Variants in DACH2 observed in about 807,000 individuals in gnomAD.
The protein encoded by DACH2 is dachshund family transcription factor 2, also known as dachshund homolog 2.
A neutral mutation model predicts 35.8 loss-of-function variants in DACH2; 17 were observed. The observed-to-expected ratio is 0.48, with a 90% CI of 0.33 to 0.71. The LOEUF is 0.71. Among genes scored for constraint, DACH2 ranks in the 30% least tolerant of loss-of-function variants. DACH2 has a pLI of 0.02. For missense variants in DACH2, 469 were observed against 472.7 expected, an observed-to-expected ratio of 0.99 and a Z score of 0.07; for synonymous variants, 195 against 177.3, an observed-to-expected ratio of 1.10 and a Z score of -0.79.
intron 1 of DACH2, among the ~76,000 whole-genome samples, chrX:86,200,490 G>A (rs1180111445): frequency 9.1e-6 from 1 of 110,256 alleles, no homozygotes; most frequent in Non-Finnish European, 1.9e-5. Context: ...AGTAAACAGA[G>A]AACATACAGA....
chrX:86,442,346 A>C (rs1488323956), intron 2 of DACH2, among the ~76,000 whole-genome samples: 1 of 66,015 alleles, frequency 1.5e-5, no homozygotes, highest in Non-Finnish European at 2.8e-5. Context: ...CTCATTTTTA[A>C]GTAGTATTTT....
At chrX:86,699,130 A>G (rs1259942563) in intron 5 of DACH2, among the ~76,000 whole-genome samples, 2 of 112,021 alleles carry the variant, frequency 1.8e-5, no homozygotes, top group Non-Finnish European at 3.8e-5. Flanking sequence ...AGCGTCTTCA[A>G]CACTCCAATG....
At chrX:86,729,286 TC>T (rs1225761842) in intron 6 of DACH2, among the ~76,000 whole-genome samples, 2 of 112,248 alleles carry the variant, frequency 1.8e-5, no homozygotes, top group African/African-American at 6.5e-5. Flanking sequence ...GTGGGACCTT[TC>T]TTTTGGCTGA....
chrX:86,402,811 G>T (rs1435256541), intron 2 of DACH2, among the ~76,000 whole-genome samples: 1 of 111,934 alleles, frequency 8.9e-6, no homozygotes, highest in East Asian at 2.8e-4. Flanking sequence ...ACCAAAAAAA[G>T]CAATGTATTG....
At chrX:86,530,609 T>C (rs760559982) in intron 3 of DACH2, among the ~76,000 whole-genome samples, 1 of 112,244 alleles carries the variant, frequency 8.9e-6, no homozygotes, top group East Asian at 2.8e-4. Flanking sequence ...TGTGAGTCAA[T>C]TAAACCTCTT....
chrX:86,426,924 G>A (rs890355637), intron 2 of DACH2, among the ~76,000 whole-genome samples: 7 of 112,268 alleles, frequency 6.2e-5, no homozygotes, highest in African/African-American at 1.9e-4. Flanking sequence ...AGAAAAGCTG[G>A]TGTATTTGCT....
At chrX:86,279,265 G>C (rs1195790708) in intron 1 of DACH2, among the ~76,000 whole-genome samples, 2 of 111,945 alleles carry the variant, frequency 1.8e-5, no homozygotes, top group East Asian at 5.7e-4. Flanking sequence ...CCTCCCAGCA[G>C]GGGGCACAGA....
chrX:86,579,963 A>G (rs892292697), intron 3 of DACH2, among the ~76,000 whole-genome samples: 1 of 111,691 alleles, frequency 9.0e-6, no homozygotes, highest in Non-Finnish European at 1.9e-5. Context: ...GTGCTTTGGC[A>G]TGCACCACCC....
chrX:86,544,896 G>T (rs749918247), intron 3 of DACH2, among the ~76,000 whole-genome samples: 3 of 112,201 alleles, frequency 2.7e-5, no homozygotes, highest in African/African-American at 9.7e-5. Flanking sequence ...TCCACCCCCT[G>T]GGTTCAAGCA....
At chrX:86,401,862 G>T (rs1003549596) in intron 2 of DACH2, among the ~76,000 whole-genome samples, 1 of 111,622 alleles carries the variant, frequency 9.0e-6, no homozygotes, top group Non-Finnish European at 1.9e-5. Flanking sequence ...TTATTCCCAG[G>T]ATGCAATGTT....
At chrX:86,651,011 T>C in intron 3 of DACH2, 25 bp from the exon 4 acceptor site, 1 of 1,139,301 alleles carries the variant, frequency 8.8e-7, no homozygotes, top group Non-Finnish European at 1.2e-6. Context: ...AATAAATAAA[T>C]GGAATGGAAT....
At chrX:86,566,697 T>C (rs1471255196) in intron 3 of DACH2, among the ~76,000 whole-genome samples, 1 of 107,527 alleles carries the variant, frequency 9.3e-6, no homozygotes, top group Non-Finnish European at 2.0e-5. Flanking sequence ...AAAAGCAAAC[T>C]GTTCTGTACA....
chrX:86,659,989 T>G lies in DACH2; in HGVS notation c.772+8822T>G, dbSNP rs181053825. On this transcript the variant is annotated intron_variant, in intron 4 of 11. Coordinates refer to ENST00000373125, the MANE Select transcript of DACH2 (RefSeq NM_053281.3). ...AGGTTCTGAACCCTTCCTTAGAAAT[T>G]TGAGGTTAGTGTCATGGGATCAAAA... Among the ~76,000 whole-genome samples the G allele has an allele frequency of 1.4e-4, 16 of 111,214 alleles. No individual in the cohort carries two copies. In the East Asian group the frequency reaches 4.0e-3, roughly 28 times the overall value.
At chrX:86,278,757 C>T (rs1044761607) in intron 1 of DACH2, among the ~76,000 whole-genome samples, 1 of 111,691 alleles carries the variant, frequency 9.0e-6, no homozygotes, top group Non-Finnish European at 1.9e-5. Flanking sequence ...CAGTGGATCC[C>T]ACCCCCATGG....
At chrX:86,716,347 G>A (rs1342775406) in intron 6 of DACH2, among the ~76,000 whole-genome samples, 1 of 111,515 alleles carries the variant, frequency 9.0e-6, no homozygotes, top group Non-Finnish European at 1.9e-5. Context: ...TTTTGAAACT[G>A]GATGGCTATT....
chrX:86,542,959 G>A (rs1290301645), intron 3 of DACH2, among the ~76,000 whole-genome samples: 3 of 112,239 alleles, frequency 2.7e-5, no homozygotes, highest in South Asian at 3.7e-4. Context: ...ATGTTCACCC[G>A]ACCTAGTCTG....
intron 1 of DACH2, chrX:86,160,710 G>A (rs2030723475): frequency 2.1e-6 from 1 of 470,240 alleles, no homozygotes; most frequent in Admixed American, 3.3e-5. Flanking sequence ...TTGTTCCCAG[G>A]AATAAAGCTT....
chrX:86,770,401 C>T (rs2041977439), intron 7 of DACH2, among the ~76,000 whole-genome samples: 1 of 111,690 alleles, frequency 9.0e-6, no homozygotes, highest in Non-Finnish European at 1.9e-5. Context: ...AGGTAGTTGT[C>T]AGCAATTTAT....
chrX:86,582,179 C>A (rs2039510069), intron 3 of DACH2, among the ~76,000 whole-genome samples: 1 of 110,784 alleles, frequency 9.0e-6, no homozygotes, highest in African/African-American at 3.3e-5. Context: ...ATAAAACAAA[C>A]TAGAATCTCT....
Sources: allele counts gnomAD v4.1 joint callset (sites outside exome capture counted in the v4.1 genomes callset), GRCh38; gene constraint gnomAD v4.1.1; transcripts MANE v1.5; gene names NCBI Gene and HGNC (gene_info 2026-07-23, HGNC 2026-07-21).